Variants in CDH13 observed in about 807,000 individuals in gnomAD.
CDH13 encodes cadherin 13.
CDH13 carries 24 observed loss-of-function variants against 63.8 expected under a neutral mutation model. The observed-to-expected ratio is 0.38, with a 90% CI of 0.27 to 0.53. CDH13 has a LOEUF of 0.53. Ranked by LOEUF, CDH13 falls within the 20% of genes least tolerant of loss-of-function variation. CDH13 has a pLI of 0.85. For synonymous variants in CDH13, 503 were observed against 355.3 expected (o/e 1.42, Z -4.67); for missense variants, 1,049 against 903.1 (o/e 1.16, Z -2.07).
intron 7 of CDH13, among the ~76,000 whole-genome samples, chr16:83,598,283 T>C (rs1003870595): frequency 6.6e-6 from 1 of 152,108 alleles, no homozygotes; most frequent in Non-Finnish European, 1.5e-5. Context: ...GAGGATTGTT[T>C]GAGCCAGGAA....
intron 6 of CDH13, among the ~76,000 whole-genome samples, chr16:83,352,670 C>G (rs1421971549): frequency 6.6e-6 from 1 of 152,184 alleles, no homozygotes; most frequent in Non-Finnish European, 1.5e-5. Context: ...GCAGGTGGAT[C>G]ACGAGGTCAG....
intron 6 of CDH13, among the ~76,000 whole-genome samples, chr16:83,370,640 A>G (rs999106753): frequency 1.3e-5 from 2 of 152,124 alleles, no homozygotes; most frequent in African/African-American, 4.8e-5. Context: ...TTAAGTAGGT[A>G]GGCCCTGGTG....
chr16:83,323,448 T>C (rs2090286058), intron 5 of CDH13, among the ~76,000 whole-genome samples: 1 of 149,460 alleles, frequency 6.7e-6, no homozygotes, highest in Non-Finnish European at 1.5e-5. Context: ...ATCCGGCTAA[T>C]TTTTGTATTT....
chr16:82,690,908 C>T (rs1202171023), intron 1 of CDH13, among the ~76,000 whole-genome samples: 1 of 152,172 alleles, frequency 6.6e-6, no homozygotes, highest in African/African-American at 2.4e-5. Flanking sequence ...AGGATGAACG[C>T]TCTAGTTGCC....
intron 1 of CDH13, among the ~76,000 whole-genome samples, chr16:82,749,089 C>T (rs1156448306): frequency 5.3e-5 from 8 of 151,496 alleles, no homozygotes. Context: ...ATTGTGGGGT[C>T]CAATTTTTTT....
At chr16:82,796,828 C>T (rs1365945411) in intron 1 of CDH13, among the ~76,000 whole-genome samples, 1 of 152,214 alleles carries the variant, frequency 6.6e-6, no homozygotes, top group African/African-American at 2.4e-5. Context: ...CTTGGAGCAG[C>T]AGCTCTTTAC....
At chr16:83,289,462 TTC>T (rs1328683930) in intron 5 of CDH13, among the ~76,000 whole-genome samples, 1 of 152,172 alleles carries the variant, frequency 6.6e-6, no homozygotes, top group Non-Finnish European at 1.5e-5. Context: ...TTGATATTTT[TTC>T]AGCACTCTTA....
intron 11 of CDH13, among the ~76,000 whole-genome samples, chr16:83,774,208 T>A (rs1209402384): frequency 6.6e-6 from 1 of 152,246 alleles, no homozygotes; most frequent in Non-Finnish European, 1.5e-5. Flanking sequence ...TCCTGCCTAT[T>A]GTCCTACTAC....
At chr16:83,502,891 C>G (rs942034045) in intron 7 of CDH13, among the ~76,000 whole-genome samples, 11 of 152,170 alleles carry the variant, frequency 7.2e-5, no homozygotes, top group Admixed American at 1.3e-4. Context: ...TGGGGTCTCC[C>G]TAGAAGGCTG....
chr16:83,078,885 C>T (rs1057320258), intron 3 of CDH13, among the ~76,000 whole-genome samples: 5 of 152,132 alleles, frequency 3.3e-5, no homozygotes, highest in Non-Finnish European at 7.4e-5. Flanking sequence ...ACCTCCGCCT[C>T]CCAGGTTCCA....
intron 1 of CDH13, among the ~76,000 whole-genome samples, chr16:82,832,237 A>G (rs986255384): frequency 2.6e-5 from 2 of 76,032 alleles, no homozygotes; most frequent in South Asian, 7.5e-4. Context: ...ATCTCATTAA[A>G]CCACTGTTTA....
chr16:82,948,490 G>C (rs1411552300), intron 2 of CDH13, among the ~76,000 whole-genome samples: 1 of 152,142 alleles, frequency 6.6e-6, no homozygotes, highest in Non-Finnish European at 1.5e-5. Flanking sequence ...CTTCCTTGAA[G>C]AAGAATTATT....
At chr16:83,569,395 T>A (rs1904362633) in intron 7 of CDH13, among the ~76,000 whole-genome samples, 1 of 152,222 alleles carries the variant, frequency 6.6e-6, no homozygotes, top group Non-Finnish European at 1.5e-5. Flanking sequence ...GACAAAATAG[T>A]GTGTTCCCCT....
intron 6 of CDH13, among the ~76,000 whole-genome samples, chr16:83,351,611 G>A (rs953251033): frequency 2.0e-5 from 3 of 152,118 alleles, no homozygotes; most frequent in East Asian, 1.9e-4. Context: ...ATCTACCATC[G>A]TCTCCTTAAC....
intron 7 of CDH13, among the ~76,000 whole-genome samples, chr16:83,495,240 C>T (rs1305661928): frequency 6.6e-6 from 1 of 152,154 alleles, no homozygotes; most frequent in Non-Finnish European, 1.5e-5. Flanking sequence ...TTAATCAATA[C>T]TTGTAAAATG....
intron 7 of CDH13, among the ~76,000 whole-genome samples, chr16:83,549,184 G>T (rs533993318): frequency 1.3e-5 from 2 of 152,186 alleles, no homozygotes; most frequent in South Asian, 4.1e-4. Flanking sequence ...GAAGGACGCA[G>T]ACAAGCTGTG....
intron 4 of CDH13, among the ~76,000 whole-genome samples, chr16:83,128,376 C>T (rs1270464590): frequency 6.6e-6 from 1 of 152,232 alleles, no homozygotes; most frequent in Non-Finnish European, 1.5e-5. Context: ...GAGCCAAAAA[C>T]TCTGGGGTTA....
chr16:83,072,318 C>G (rs1301329804), intron 3 of CDH13, among the ~76,000 whole-genome samples: 2 of 152,154 alleles, frequency 1.3e-5, no homozygotes, highest in Non-Finnish European at 2.9e-5. Context: ...AATCTGTTGA[C>G]AATGGTTAGA....
At chr16:83,282,095 G>A (rs1335897888) in intron 5 of CDH13, among the ~76,000 whole-genome samples, 3 of 152,130 alleles carry the variant, frequency 2.0e-5, no homozygotes, top group Admixed American at 1.3e-4. Flanking sequence ...GAGGGAGAGA[G>A]ATGGGGGAAT....
Sources: gnomAD v4.1 joint callset for allele counts (sites outside exome capture counted in the v4.1 genomes callset) on GRCh38, gnomAD v4.1.1 for gene constraint, MANE v1.5 for transcripts, NCBI Gene and HGNC (gene_info 2026-07-23, HGNC 2026-07-21) for gene names.